The following PDE11A variants were observed in gnomAD, a reference collection of about 807,000 sequenced individuals.
PDE11A encodes the protein phosphodiesterase 11A.
A neutral mutation model predicts 100.5 loss-of-function variants in PDE11A; 100 were observed. The ratio of observed to expected loss-of-function variants is 1.00; its 90% CI spans 0.85 to 1.18. The LOEUF (loss-of-function observed/expected upper bound fraction) is 1.18. PDE11A is among the 50% of genes most tolerant of loss of function. The pLI is 0.00. For synonymous variants in PDE11A, 381 were observed against 420.8 expected, an observed-to-expected ratio of 0.91 and a Z score of 1.16; for missense variants, 1,141 against 1,152.6, an observed-to-expected ratio of 0.99 and a Z score of 0.15.
intron 9 of PDE11A, among the ~76,000 whole-genome samples, chr2:177,801,163 T>C (rs1330005666): frequency 1.3e-5 from 2 of 152,248 alleles, no homozygotes; most frequent in Non-Finnish European, 1.5e-5. Flanking sequence ...ATAGTTCAAC[T>C]GTCACTTGCT....
chr2:177,713,931 C>CTATTTTCT (rs1177915248), intron 12 of PDE11A, among the ~76,000 whole-genome samples: 1 of 142,902 alleles, frequency 7.0e-6, no homozygotes, highest in Non-Finnish European at 1.5e-5. Flanking sequence ...CAACTACTTT[C>CTATTTTCT]TATTTTCTTT....
intron 2 of PDE11A, among the ~76,000 whole-genome samples, chr2:178,082,917 C>G (rs1416041189): frequency 6.6e-6 from 1 of 152,120 alleles, no homozygotes; most frequent in Non-Finnish European, 1.5e-5. Flanking sequence ...CAAGCCATAT[C>G]TGACCTCTCA....
intron 2 of PDE11A, among the ~76,000 whole-genome samples, chr2:177,977,781 A>G (rs565293768): frequency 1.4e-5 from 2 of 146,444 alleles, no homozygotes; most frequent in East Asian, 3.9e-4. Flanking sequence ...CATATCTACA[A>G]CTATCTGATC....
At chr2:178,054,750 C>T (rs1454128128) in intron 1 of PDE11A, among the ~76,000 whole-genome samples, 2 of 152,178 alleles carry the variant, frequency 1.3e-5, no homozygotes, top group African/African-American at 2.4e-5. Context: ...TGAAAAAATG[C>T]TCATCATCAC....
At chr2:177,875,275 G>A (rs1361525856) in intron 5 of PDE11A, among the ~76,000 whole-genome samples, 1 of 152,058 alleles carries the variant, frequency 6.6e-6, no homozygotes, top group East Asian at 1.9e-4. Context: ...AGGGAAAAGA[G>A]GAAGCTAAAG....
chr2:177,652,408 G>T (rs1040255616), intron 19 of PDE11A, among the ~76,000 whole-genome samples: 1 of 152,158 alleles, frequency 6.6e-6, no homozygotes, highest in African/African-American at 2.4e-5. Context: ...CACAGGCACG[G>T]GGTGTGGAAC....
chr2:177,854,098 A>C (rs2083785762), intron 5 of PDE11A, among the ~76,000 whole-genome samples: 1 of 151,896 alleles, frequency 6.6e-6, no homozygotes, highest in Non-Finnish European at 1.5e-5. Flanking sequence ...CTAAATTGCC[A>C]TAATTCTGTT....
At chr2:177,716,859 G>C (rs1005785744) in intron 12 of PDE11A, among the ~76,000 whole-genome samples, 9 of 152,110 alleles carry the variant, frequency 5.9e-5, no homozygotes, top group African/African-American at 2.2e-4. Flanking sequence ...TAATAGATTT[G>C]AGATCAAAAT....
At chr2:178,090,371 C>T (rs1458829077) in intron 2 of PDE11A, among the ~76,000 whole-genome samples, 3 of 152,180 alleles carry the variant, frequency 2.0e-5, no homozygotes, top group African/African-American at 7.2e-5. Flanking sequence ...CAAAGAGATA[C>T]TTATTTTGCT....
chr2:177,901,860 C>A (rs187183146), intron 3 of PDE11A, among the ~76,000 whole-genome samples: 13 of 152,250 alleles, frequency 8.5e-5, no homozygotes, highest in African/African-American at 3.1e-4. Flanking sequence ...ATGGAGAGAG[C>A]CTCTGGGATC....
intron 2 of PDE11A, among the ~76,000 whole-genome samples, chr2:177,955,915 T>G (rs575086117): frequency 6.6e-6 from 1 of 152,152 alleles, no homozygotes; most frequent in East Asian, 1.9e-4. Flanking sequence ...TAATTCAAGA[T>G]GGATTAAAGA....
At chr2:177,694,351 G>A (rs770315289) in intron 15 of PDE11A, among the ~76,000 whole-genome samples, 20 of 152,148 alleles carry the variant, frequency 1.3e-4, no homozygotes, top group Non-Finnish European at 4.4e-5. Context: ...ACAAGATCCT[G>A]CAAGTGTCAG....
intron 1 of PDE11A, among the ~76,000 whole-genome samples, chr2:178,065,596 CA>C (rs2087032673): frequency 6.6e-6 from 1 of 152,182 alleles, no homozygotes; most frequent in Non-Finnish European, 1.5e-5. Context: ...CTACTTCAAA[CA>C]CAAAATCAAC....
At chr2:178,077,765 TTATAA>T (rs1221892137), upstream of PDE11A, among the ~76,000 whole-genome samples, 2 of 152,104 alleles carry the variant, frequency 1.3e-5, no homozygotes, top group Non-Finnish European at 1.5e-5. Flanking sequence ...GACACTTTCC[TTATAA>T]TATATGTACA....
chr2:177,978,805 T>C (rs2085837895), intron 2 of PDE11A, among the ~76,000 whole-genome samples: 1 of 44,572 alleles, frequency 2.2e-5, no homozygotes, highest in Non-Finnish European at 4.0e-5. Flanking sequence ...AAACCATCAT[T>C]CTCAGTAAAC....
At chr2:177,774,570 C>T (rs961730585) in intron 9 of PDE11A, among the ~76,000 whole-genome samples, 1 of 152,184 alleles carries the variant, frequency 6.6e-6, no homozygotes, top group Non-Finnish European at 1.5e-5. Flanking sequence ...CCCTCATCCT[C>T]TACCTTAACT....
At chr2:177,785,629 T>G (rs1157723596) in intron 9 of PDE11A, among the ~76,000 whole-genome samples, 1 of 152,222 alleles carries the variant, frequency 6.6e-6, no homozygotes, top group Non-Finnish European at 1.5e-5. Context: ...TTCCCTTTCC[T>G]AGTCAAAGAA....
At chr2:178,087,580 G>C (rs2087374827) in intron 2 of PDE11A, among the ~76,000 whole-genome samples, 1 of 152,154 alleles carries the variant, frequency 6.6e-6, no homozygotes, top group Non-Finnish European at 1.5e-5. Context: ...AGACTTGGAA[G>C]GGAGGAGGAG....
chr2:177,674,867 C>T (rs1016321754), intron 17 of PDE11A, among the ~76,000 whole-genome samples: 1 of 152,112 alleles, frequency 6.6e-6, no homozygotes, highest in Non-Finnish European at 1.5e-5. Context: ...AACGATTAAC[C>T]TCTAAATACC....
Sources: allele counts gnomAD v4.1 joint callset (sites outside exome capture counted in the v4.1 genomes callset), GRCh38; gene constraint gnomAD v4.1.1; transcripts MANE v1.5; gene names NCBI Gene and HGNC (gene_info 2026-07-23, HGNC 2026-07-21).